Variants in PDCD10 observed in about 807,000 individuals in gnomAD.
PDCD10 encodes the protein programmed cell death protein 10.
Under a neutral mutation model 29.2 loss-of-function variants are expected in PDCD10, and 4 were observed. The observed-to-expected ratio is 0.14, with a 90% CI of 0.07 to 0.31. PDCD10 has a LOEUF of 0.31. Among genes scored for constraint, PDCD10 ranks in the 10% least tolerant of loss-of-function variants. PDCD10 has a pLI of 1.00. For missense variants in PDCD10, 183 were observed against 257.9 expected (o/e 0.71, Z 1.99); for synonymous variants, 70 against 82.2 (o/e 0.85, Z 0.80).
intron 3 of PDCD10, among the ~76,000 whole-genome samples, chr3:167,708,112 C>T (rs1307039321): frequency 6.6e-6 from 1 of 152,090 alleles, no homozygotes; most frequent in Non-Finnish European, 1.5e-5. Context: ...CTATCAACCA[C>T]AAACCAGGCA....
At chr3:167,699,995 T>C (rs1721218372) in intron 4 of PDCD10, among the ~76,000 whole-genome samples, 1 of 152,172 alleles carries the variant, frequency 6.6e-6, no homozygotes, top group South Asian at 2.1e-4. Context: ...TACTATAAAA[T>C]AGATACAAAT....
chr3:167,708,163 C>G (rs1297898209), intron 3 of PDCD10, among the ~76,000 whole-genome samples: 1 of 152,032 alleles, frequency 6.6e-6, no homozygotes, highest in Admixed American at 6.6e-5. Flanking sequence ...TTAAAAGCTT[C>G]CATATAATTC....
intron 4 of PDCD10, among the ~76,000 whole-genome samples, chr3:167,702,302 C>T (rs777695886): frequency 3.9e-5 from 6 of 152,118 alleles, no homozygotes; most frequent in Admixed American, 2.0e-4. Context: ...AATGTGAAAA[C>T]GACAAGGATG....
intron 4 of PDCD10, among the ~76,000 whole-genome samples, chr3:167,698,565 T>C (rs1252019524): frequency 6.6e-6 from 1 of 152,018 alleles, no homozygotes; most frequent in Non-Finnish European, 1.5e-5. Context: ...AAAAACTGTG[T>C]TTTTTAAAAA....
In PDCD10 at chr3:167,696,882, T is replaced by A. The variant is rs913985682; in HGVS notation, c.268+127A>T. The A allele has an allele frequency of 8.2e-6, 6 of 733,228 alleles. No individual in the cohort carries two copies. The African/African-American group carries it at 1.0e-4, about 13-fold the overall frequency. The allele number at this position is 733,228 out of a possible 1,614,324, so 45.4% of individuals were successfully genotyped here. Reference sequence around the variant, plus strand: ...ATCACTATCACCACCACCACCATCATCATCATAAGTGAAAGGGAGGGAGGG... The same window carrying A: ...ATCACTATCACCACCACCACCATCAACATCATAAGTGAAAGGGAGGGAGGG... On this transcript the variant is annotated intron_variant, in intron 5 of 8. Coordinates refer to ENST00000392750, the MANE Select transcript of PDCD10 (RefSeq NM_007217.4).
At chr3:167,703,423 T>C (rs1721642444) in intron 4 of PDCD10, among the ~76,000 whole-genome samples, 1 of 152,100 alleles carries the variant, frequency 6.6e-6, no homozygotes, top group Non-Finnish European at 1.5e-5. Context: ...ATACGTAATG[T>C]AGATTATTAA....
intron 6 of PDCD10, among the ~76,000 whole-genome samples, chr3:167,691,556 G>A (rs527489813): frequency 6.6e-6 from 1 of 152,322 alleles, no homozygotes; most frequent in East Asian, 1.9e-4. Flanking sequence ...TAGAGTCACA[G>A]ACGGTTTAGC....
intron 3 of PDCD10, among the ~76,000 whole-genome samples, chr3:167,713,700 C>T (rs956908333): frequency 6.6e-6 from 1 of 151,734 alleles, no homozygotes; most frequent in Non-Finnish European, 1.5e-5. Flanking sequence ...TAAATAAAAT[C>T]AGAGACGAAA....
At chr3:167,714,489 G>A (rs1722816265) in intron 3 of PDCD10, among the ~76,000 whole-genome samples, 1 of 151,968 alleles carries the variant, frequency 6.6e-6, no homozygotes, top group Admixed American at 6.6e-5. Context: ...AAATTGGAAA[G>A]GGAAGAAGTC....
intron 3 of PDCD10, among the ~76,000 whole-genome samples, chr3:167,715,052 T>C (rs1577358114): frequency 6.6e-6 from 1 of 151,446 alleles, no homozygotes; most frequent in African/African-American, 2.4e-5. Flanking sequence ...CAAAATGCCA[T>C]CTACTGGCAA....
Position 167,709,288 on chromosome 3 carries a change from A to G in PDCD10, c.97-4393T>C, listed in dbSNP as rs943099443. Among the ~76,000 whole-genome samples, 13 of 152,210 alleles carry G rather than the reference A, an allele frequency of 8.5e-5. No homozygotes were observed. The East Asian group carries it at 1.9e-3, about 23-fold the overall frequency. ...AGAACCAAAAATCAAGTGAGCAATC[A>G]TAGTACCTGGTTTTAATTTCATATT... is the stretch of plus-strand genomic sequence containing the variant. On this transcript the variant is annotated intron_variant, in intron 3 of 8. Transcript: ENST00000392750.
At chr3:167,722,771 T>TG (rs1174049018) in intron 2 of PDCD10, among the ~76,000 whole-genome samples, 1 of 152,184 alleles carries the variant, frequency 6.6e-6, no homozygotes, top group Non-Finnish European at 1.5e-5. Flanking sequence ...AGGGATAAGG[T>TG]AAGTGGCCAG....
chr3:167,712,587 T>C (rs1335816636), intron 3 of PDCD10, among the ~76,000 whole-genome samples: 1 of 151,192 alleles, frequency 6.6e-6, no homozygotes, highest in East Asian at 1.9e-4. Flanking sequence ...AGAAAACAAG[T>C]AACAAAATGG....
chr3:167,725,456 A>G (rs1724018394), intron 2 of PDCD10: 1 of 151,908 alleles, frequency 6.6e-6, no homozygotes, highest in Non-Finnish European at 1.5e-5. Context: ...ACAAGAGACC[A>G]AGATTTAGAG....
chr3:167,716,910 A>AT (rs969304698), intron 3 of PDCD10, among the ~76,000 whole-genome samples: 14 of 151,882 alleles, frequency 9.2e-5, no homozygotes, highest in African/African-American at 3.1e-4. Context: ...CACAAGCCTT[A>AT]TTTTTTCCTG....
At chr3:167,704,987 A>G (rs1401867678) in intron 3 of PDCD10, 92 bp from the exon 4 acceptor site, 6 of 722,482 alleles carry the variant, frequency 8.3e-6, no homozygotes, top group South Asian at 7.9e-5. Context: ...ACATGAACAC[A>G]TTAAACATTT....
chr3:167,695,701 T>C lies in PDCD10; in HGVS notation c.290A>G (p.Glu97Gly). 3 of 1,613,806 alleles carry C rather than the reference T, an allele frequency of 1.9e-6. No homozygotes were observed. The highest frequency in any genetic ancestry group is 2.5e-6 in the Non-Finnish European group (3 of 1,179,694). The change falls in exon 6 of 9, where the codon GAG (glutamate) becomes GGG (glycine). Residue 97 changes from glutamate (E) to glycine (G), a missense_variant. By Grantham distance (98) the Glu-to-Gly change is moderately conservative. Coordinates refer to ENST00000392750, the MANE Select transcript of PDCD10 (RefSeq NM_007217.4). Reference sequence around the variant, plus strand: ...TTCGTTTAGGTCTTGGAATTCTGGCTCTGGTCGTTCAATCATATACTCTGA... The same window carrying C: ...TTCGTTTAGGTCTTGGAATTCTGGCCCTGGTCGTTCAATCATATACTCTGA... Reference protein sequence around the residue: ...DVEEYMIERPEPEFQDLNEKA... With the variant: ...DVEEYMIERPGPEFQDLNEKA...
intron 5 of PDCD10, among the ~76,000 whole-genome samples, 173 bp from the exon 6 acceptor site, chr3:167,695,895 A>G (rs1017771429): frequency 2.0e-5 from 3 of 152,146 alleles, no homozygotes; most frequent in Admixed American, 2.0e-4. Flanking sequence ...TCCAGTAACA[A>G]CAGCAGGGCT....
chr3:167,712,994 T>C (rs907570040), intron 3 of PDCD10, among the ~76,000 whole-genome samples: 7 of 151,980 alleles, frequency 4.6e-5, no homozygotes, highest in Admixed American at 2.6e-4. Flanking sequence ...CTGAGCAAAA[T>C]ACAATAATAG....
Sources: allele counts gnomAD v4.1 joint callset (sites outside exome capture counted in the v4.1 genomes callset), GRCh38; gene constraint gnomAD v4.1.1; transcripts MANE v1.5; gene names NCBI Gene and HGNC (gene_info 2026-07-23, HGNC 2026-07-21).